Variants in LRMDA observed in about 807,000 individuals in gnomAD.
LRMDA encodes leucine rich melanocyte differentiation associated, also known as leucine-rich melanocyte differentiation-associated protein.
LRMDA carries 18 observed loss-of-function variants against 29.8 expected under a neutral mutation model. The observed-to-expected ratio is 0.60, with a 90% CI of 0.42 to 0.90. The LOEUF is 0.90. Among genes scored for constraint, LRMDA ranks in the 40% least tolerant of loss-of-function variants. The probability of loss-of-function intolerance (pLI) is 0.00; values close to 1 mark genes in which losing one functional copy is unlikely to be tolerated. For missense variants in LRMDA, 273 were observed against 273.9 expected (o/e 1.00, Z 0.02); for synonymous variants, 125 against 109.4 (o/e 1.14, Z -0.89).
At chr10:76,417,808 GTGT>G (rs770456647) in intron 6 of LRMDA, among the ~76,000 whole-genome samples, 9 of 152,286 alleles carry the variant, frequency 5.9e-5, no homozygotes, top group East Asian at 3.9e-4. Context: ...TCCTTTAGAA[GTGT>G]TGTATTTTAC....
chr10:76,276,625 C>T (rs1201253313), intron 5 of LRMDA, among the ~76,000 whole-genome samples: 4 of 152,134 alleles, frequency 2.6e-5, no homozygotes, highest in South Asian at 2.1e-4. Context: ...CTAATTCCAA[C>T]ATCTGAGCCA....
chr10:76,018,798 C>T (rs1053929847), intron 2 of LRMDA, among the ~76,000 whole-genome samples: 1 of 152,114 alleles, frequency 6.6e-6, no homozygotes, highest in Non-Finnish European at 1.5e-5. Flanking sequence ...GATCTCTTTA[C>T]CTCGTGATCC....
At chr10:75,852,425 G>A (rs375273581) in intron 2 of LRMDA, among the ~76,000 whole-genome samples, 27 of 152,112 alleles carry the variant, frequency 1.8e-4, no homozygotes, top group African/African-American at 6.0e-4. Flanking sequence ...TGGAAAAGAG[G>A]TTAATTGGAT....
chr10:76,555,614 T>C (rs186017778), intron 6 of LRMDA, among the ~76,000 whole-genome samples: 74 of 152,338 alleles, frequency 4.9e-4, no homozygotes, highest in Non-Finnish European at 1.5e-5. Context: ...CTTAAAAGTT[T>C]CTAAAAGTCA....
At chr10:75,709,197 A>G (rs1014421772) in intron 2 of LRMDA, among the ~76,000 whole-genome samples, 1 of 152,232 alleles carries the variant, frequency 6.6e-6, no homozygotes, top group African/African-American at 2.4e-5. Context: ...TATTAAAAAA[A>G]GGTTTTCCCC....
chr10:76,345,060 CTTTTTTTTTTTTT>C (rs60233969), intron 6 of LRMDA, among the ~76,000 whole-genome samples: 832 of 77,718 alleles, frequency 0.011, 20 homozygotes, highest in Admixed American at 0.023. Flanking sequence ...AACACAAAAC[CTTTTTTTTTTTTT>C]TTTTTTTTTT....
At chr10:76,248,885 C>G (rs1852422904) in intron 5 of LRMDA, among the ~76,000 whole-genome samples, 1 of 152,210 alleles carries the variant, frequency 6.6e-6, no homozygotes, top group East Asian at 1.9e-4. Flanking sequence ...CACCCACTTA[C>G]AGCAGCCTCA....
chr10:75,913,954 C>T (rs1564605118), intron 2 of LRMDA, among the ~76,000 whole-genome samples: 2 of 152,232 alleles, frequency 1.3e-5, no homozygotes. Context: ...GAAAGCTTCT[C>T]TGCCTGCTGC....
intron 2 of LRMDA, among the ~76,000 whole-genome samples, chr10:75,764,454 T>C (rs1333682530): frequency 6.6e-6 from 1 of 152,210 alleles, no homozygotes. Context: ...TAGATTCTCG[T>C]AATTTTCCAT....
At chr10:75,910,803 C>T (rs1199541964) in intron 2 of LRMDA, among the ~76,000 whole-genome samples, 1 of 152,100 alleles carries the variant, frequency 6.6e-6, no homozygotes, top group Non-Finnish European at 1.5e-5. Flanking sequence ...ACCGAGGTGG[C>T]CAGGTCTCAT....
chr10:76,058,240 G>A (rs1189991927), intron 4 of LRMDA, among the ~76,000 whole-genome samples: 1 of 152,240 alleles, frequency 6.6e-6, no homozygotes, highest in Non-Finnish European at 1.5e-5. Context: ...GGTCATTATA[G>A]TCTATGATAC....
At chr10:75,869,595 C>T (rs756548977) in intron 2 of LRMDA, among the ~76,000 whole-genome samples, 14 of 152,136 alleles carry the variant, frequency 9.2e-5, no homozygotes, top group African/African-American at 2.4e-4. Context: ...CTTATTTATT[C>T]GGTCTGTGGT....
chr10:75,579,675 A>G (rs936110586), intron 2 of LRMDA, among the ~76,000 whole-genome samples: 19 of 152,222 alleles, frequency 1.2e-4, no homozygotes, highest in Non-Finnish European at 1.5e-5. Flanking sequence ...ATCCTCAATA[A>G]AATACTGGGA....
intron 2 of LRMDA, among the ~76,000 whole-genome samples, chr10:75,933,750 A>ATTT (rs1846241947): frequency 6.6e-6 from 1 of 151,956 alleles, no homozygotes; most frequent in South Asian, 2.1e-4. Context: ...TGAGATAGCC[A>ATTT]TTTTTTCTGC....
At chr10:76,039,976 C>T (rs1848314511) in intron 3 of LRMDA, among the ~76,000 whole-genome samples, 2 of 152,156 alleles carry the variant, frequency 1.3e-5, no homozygotes, top group Admixed American at 1.3e-4. Flanking sequence ...CTTTGACTTG[C>T]ATAATTTAAT....
In LRMDA at chr10:75,750,288, C is replaced by T. The variant is rs1414937303; in HGVS notation, c.132-285720C>T. ...CTCCCTCCCCGCCGGGGCGGCTGGCCGGGCAGGGGCTGCCCCCCACCTCCC... is the reference window on the plus strand; with the variant it reads ...CTCCCTCCCCGCCGGGGCGGCTGGCTGGGCAGGGGCTGCCCCCCACCTCCC... On this transcript the variant is annotated intron_variant, in intron 2 of 6. Transcript: ENST00000611255. 3.3e-5 allele frequency among the ~76,000 whole-genome samples: 5 copies of T among 150,858 alleles called. No individual in the cohort carries two copies. In the East Asian group the frequency reaches 6.0e-4, roughly 18 times the overall value.
At chr10:75,842,154 A>G (rs1466552190) in intron 2 of LRMDA, among the ~76,000 whole-genome samples, 2 of 152,256 alleles carry the variant, frequency 1.3e-5, no homozygotes, top group Non-Finnish European at 2.9e-5. Flanking sequence ...CTGCAAGGCA[A>G]AAATGGTTTT....
At chr10:75,528,391 G>C (rs1845438310) in intron 2 of LRMDA, among the ~76,000 whole-genome samples, 1 of 152,162 alleles carries the variant, frequency 6.6e-6, no homozygotes, top group Admixed American at 6.5e-5. Flanking sequence ...GTTCACCACA[G>C]GCAACTAGTA....
At chr10:75,673,095 C>T (rs1233611788) in intron 2 of LRMDA, among the ~76,000 whole-genome samples, 1 of 151,974 alleles carries the variant, frequency 6.6e-6, no homozygotes, top group East Asian at 1.9e-4. Context: ...TGGTGTAGGA[C>T]CTGACAGAGG....
Sources: gnomAD v4.1 joint callset for allele counts (sites outside exome capture counted in the v4.1 genomes callset) on GRCh38, gnomAD v4.1.1 for gene constraint, MANE v1.5 for transcripts, NCBI Gene and HGNC (gene_info 2026-07-23, HGNC 2026-07-21) for gene names.